Variants in RNF38 observed in about 807,000 individuals in gnomAD.
The protein encoded by RNF38 is E3 ubiquitin-protein ligase RNF38.
RNF38 carries 15 observed loss-of-function variants against 67.2 expected under a neutral mutation model. That is an observed-to-expected ratio of 0.22 (90% CI 0.15 to 0.34). The LOEUF (loss-of-function observed/expected upper bound fraction) is 0.34. Ranked by LOEUF, RNF38 falls within the 10% of genes least tolerant of loss-of-function variation. The pLI, the probability that RNF38 is intolerant of heterozygous loss-of-function variation, is 1.00. For missense variants in RNF38, 524 were observed against 639.9 expected, an observed-to-expected ratio of 0.82 and a Z score of 1.95; for synonymous variants, 220 against 218.8, an observed-to-expected ratio of 1.01 and a Z score of -0.05.
At chr9:36,467,579 T>C (rs893167354) in intron 1 of RNF38, among the ~76,000 whole-genome samples, 2 of 152,082 alleles carry the variant, frequency 1.3e-5, no homozygotes, top group African/African-American at 4.8e-5. Flanking sequence ...ACTAACTGGG[T>C]GGGTCAGGCC....
intron 2 of RNF38, among the ~76,000 whole-genome samples, chr9:36,414,612 G>A (rs2134209499): frequency 6.6e-6 from 1 of 151,928 alleles, no homozygotes; most frequent in East Asian, 1.9e-4. Context: ...CTAGAACCCA[G>A]GAGGTGGAGG....
intron 2 of RNF38, among the ~76,000 whole-genome samples, chr9:36,423,873 C>T (rs1293998953): frequency 6.1e-5 from 2 of 32,632 alleles, no homozygotes; most frequent in East Asian, 6.1e-4. Context: ...GGCGTGAACC[C>T]GGGAGACGGA....
At chr9:36,426,040 A>G (rs915572030) in intron 1 of RNF38, among the ~76,000 whole-genome samples, 2 of 152,324 alleles carry the variant, frequency 1.3e-5, no homozygotes, top group African/African-American at 4.8e-5. Context: ...GAAGATGTTA[A>G]GTAACATGAG....
intron 3 of RNF38, 115 bp from the exon 4 acceptor site, chr9:36,370,047 A>G (rs1232752023): frequency 3.7e-6 from 3 of 813,058 alleles, no homozygotes; most frequent in Non-Finnish European, 5.6e-6. Context: ...TCATTATTAA[A>G]TAACTGCTAA....
chr9:36,438,833 G>C (rs1353591006), intron 1 of RNF38, among the ~76,000 whole-genome samples: 1 of 152,166 alleles, frequency 6.6e-6, no homozygotes, highest in Non-Finnish European at 1.5e-5. Flanking sequence ...CACTACCTTA[G>C]AGAGCTAGGG....
chr9:36,397,964 CCT>C (rs1018969283), intron 1 of RNF38, among the ~76,000 whole-genome samples: 2 of 152,066 alleles, frequency 1.3e-5, no homozygotes, highest in South Asian at 4.1e-4. Flanking sequence ...TCTCCCTCTC[CCT>C]CTCTCCAAAC....
intron 2 of RNF38, among the ~76,000 whole-genome samples, chr9:36,380,882 C>G (rs1460534986): frequency 6.6e-6 from 1 of 152,128 alleles, no homozygotes; most frequent in African/African-American, 2.4e-5. Flanking sequence ...AACTGAAGAC[C>G]AAATTTGTAT....
chr9:36,400,852 G>A (rs998581810), upstream of RNF38: 15 of 983,754 alleles, frequency 1.5e-5, no homozygotes, highest in East Asian at 1.0e-3. Context: ...CCGGGCCTCG[G>A]CCCCGTCCCG....
chr9:36,421,662 T>TG (rs1187668555), intron 2 of RNF38, among the ~76,000 whole-genome samples: 2 of 151,940 alleles, frequency 1.3e-5, no homozygotes, highest in Non-Finnish European at 1.5e-5. Context: ...AAACTCTGTC[T>TG]GAAAAATAAA....
intron 2 of RNF38, chr9:36,424,545 G>GC: frequency 1.6e-6 from 1 of 644,648 alleles, no homozygotes; most frequent in Non-Finnish European, 1.9e-6. Context: ...CCAGAGTTAC[G>GC]CAAGAGAATC....
chr9:36,341,211 C>T (rs537851926), intron 11 of RNF38, among the ~76,000 whole-genome samples: 1 of 152,192 alleles, frequency 6.6e-6, no homozygotes, highest in African/African-American at 2.4e-5. Context: ...CAACTATCAG[C>T]CACACGGAAC....
chr9:36,370,447 T>A (rs951800038), intron 3 of RNF38, among the ~76,000 whole-genome samples: 1 of 152,062 alleles, frequency 6.6e-6, no homozygotes, highest in South Asian at 2.1e-4. Flanking sequence ...AAAGAACATA[T>A]AATTTGCTGA....
At chr9:36,355,057 G>A (rs1395100787) in intron 6 of RNF38, among the ~76,000 whole-genome samples, 1 of 152,130 alleles carries the variant, frequency 6.6e-6, no homozygotes, top group Non-Finnish European at 1.5e-5. Context: ...GAACATCCTG[G>A]CACAAATCCT....
chr9:36,396,991 G>A (rs752061386), intron 1 of RNF38, among the ~76,000 whole-genome samples: 4 of 135,656 alleles, frequency 2.9e-5, no homozygotes, highest in South Asian at 2.6e-4. Context: ...ACTACACAAC[G>A]GTCACAATTT....
At chr9:36,366,802 C>G (rs996352527) in intron 4 of RNF38, among the ~76,000 whole-genome samples, 1 of 152,148 alleles carries the variant, frequency 6.6e-6, no homozygotes, top group Non-Finnish European at 1.5e-5. Flanking sequence ...TCAATTATAG[C>G]CCTTTTTAAG....
chr9:36,375,019 T>C (rs1164238551), intron 3 of RNF38, among the ~76,000 whole-genome samples: 1 of 152,118 alleles, frequency 6.6e-6, no homozygotes, highest in Non-Finnish European at 1.5e-5. Context: ...CACCTCACAA[T>C]GCACTCACTA....
chr9:36,420,702 GCAGTATCCC>G (rs1268379947), intron 2 of RNF38, among the ~76,000 whole-genome samples: 1 of 152,048 alleles, frequency 6.6e-6, no homozygotes, highest in Non-Finnish European at 1.5e-5. Context: ...TTTCTTCAAT[GCAGTATCCC>G]CAGTATCTAG....
intron 1 of RNF38, among the ~76,000 whole-genome samples, chr9:36,394,288 G>C (rs1587601808): frequency 6.6e-6 from 1 of 151,552 alleles, no homozygotes; most frequent in Non-Finnish European, 1.5e-5. Flanking sequence ...AAAAAGAAAA[G>C]AAAGAAATCA....
chr9:36,412,928 C>T (rs537568512), intron 2 of RNF38, among the ~76,000 whole-genome samples: 6 of 152,170 alleles, frequency 3.9e-5, no homozygotes, highest in Admixed American at 2.6e-4. Flanking sequence ...CAAAATTAGC[C>T]GGGTGTGGTG....
Sources: allele counts gnomAD v4.1 joint callset (sites outside exome capture counted in the v4.1 genomes callset), GRCh38; gene constraint gnomAD v4.1.1; transcripts MANE v1.5; gene names NCBI Gene and HGNC (gene_info 2026-07-23, HGNC 2026-07-21).